Variants in CSTPP1 observed in about 807,000 individuals in gnomAD.
CSTPP1 encodes the protein UPF0705 protein C11orf49.
the CSTPP1 span, among the ~76,000 whole-genome samples, chr11:47,105,174 C>G: frequency 6.6e-6 from 1 of 152,134 alleles, no homozygotes; most frequent in African/African-American, 2.4e-5. Context: ...CCAGTTAAGT[C>G]CCTGTGCCTA....
At chr11:47,153,966 GTCTC>G in the CSTPP1 span, among the ~76,000 whole-genome samples, 4 of 151,734 alleles carry the variant, frequency 2.6e-5, no homozygotes, top group African/African-American at 7.3e-5. Flanking sequence ...TTTTGACAGG[GTCTC>G]TCTCTGTCTC....
the CSTPP1 span, among the ~76,000 whole-genome samples, chr11:47,100,741 C>T: frequency 1.3e-5 from 2 of 152,178 alleles, no homozygotes; most frequent in African/African-American, 4.8e-5. Flanking sequence ...AGTGAGCCGA[C>T]ATTGTGCCAC....
chr11:47,159,512 AAG>A, the CSTPP1 span: 6 of 414,528 alleles, frequency 1.4e-5, no homozygotes, highest in Non-Finnish European at 2.9e-5. Context: ...AGTCTCAAAA[AAG>A]AAAAAAAAAA....
chr11:47,089,144 C>A, the CSTPP1 span, among the ~76,000 whole-genome samples: 4 of 152,086 alleles, frequency 2.6e-5, no homozygotes, highest in African/African-American at 9.7e-5. Flanking sequence ...TCACACGCCT[C>A]CCCTGAGGGC....
chr11:47,092,595 C>T, the CSTPP1 span, among the ~76,000 whole-genome samples: 1 of 152,172 alleles, frequency 6.6e-6, no homozygotes, highest in South Asian at 2.1e-4. Flanking sequence ...CCTCACATCC[C>T]TCATCTCCTA....
chr11:47,128,896 C>T, the CSTPP1 span, among the ~76,000 whole-genome samples: 1 of 152,098 alleles, frequency 6.6e-6, no homozygotes. Context: ...CCTAAAACAA[C>T]ATAAAAACCT....
chr11:47,163,286 G>A, the CSTPP1 span, among the ~76,000 whole-genome samples: 1 of 151,962 alleles, frequency 6.6e-6, no homozygotes, highest in African/African-American at 2.4e-5. Flanking sequence ...AGAATCACAG[G>A]AAAGCCTACT....
chr11:47,054,696 G>C, the CSTPP1 span, among the ~76,000 whole-genome samples: 3 of 152,128 alleles, frequency 2.0e-5, no homozygotes, highest in Non-Finnish European at 2.9e-5. Flanking sequence ...GCCTAGACTA[G>C]AGACAAGGAA....
At chr11:47,148,589 C>T in the CSTPP1 span, among the ~76,000 whole-genome samples, 2 of 152,228 alleles carry the variant, frequency 1.3e-5, no homozygotes, top group Non-Finnish European at 2.9e-5. Flanking sequence ...TGCCTGAGAC[C>T]TCTGCCTGGT....
the CSTPP1 span, among the ~76,000 whole-genome samples, chr11:47,138,718 C>G: frequency 1.3e-5 from 2 of 151,836 alleles, no homozygotes; most frequent in Non-Finnish European, 2.9e-5. Context: ...TGGCTCACGC[C>G]TGTAATCCCA....
the CSTPP1 span, chr11:46,936,992 C>G: frequency 4.2e-6 from 5 of 1,191,454 alleles, no homozygotes; most frequent in South Asian, 2.0e-5. Flanking sequence ...GTTCCAGGGC[C>G]TGAGCCTGTA....
At chr11:47,077,918 T>C in the CSTPP1 span, among the ~76,000 whole-genome samples, 1 of 152,088 alleles carries the variant, frequency 6.6e-6, no homozygotes, top group Non-Finnish European at 1.5e-5. Context: ...GAGAAAGAAA[T>C]AATCATTCTA....
the CSTPP1 span, among the ~76,000 whole-genome samples, chr11:46,941,850 A>C: frequency 2.6e-5 from 4 of 152,236 alleles, no homozygotes; most frequent in African/African-American, 7.2e-5. Context: ...CTAGGCATTC[A>C]GTGAAACCCA....
At chr11:47,029,331 G>C in the CSTPP1 span, among the ~76,000 whole-genome samples, 2 of 152,108 alleles carry the variant, frequency 1.3e-5, no homozygotes, top group Non-Finnish European at 2.9e-5. Context: ...TTTTGGCCAG[G>C]CATGGTGGCT....
At chr11:47,090,305 G>T in the CSTPP1 span, among the ~76,000 whole-genome samples, 6 of 152,090 alleles carry the variant, frequency 3.9e-5, no homozygotes, top group African/African-American at 9.7e-5. Flanking sequence ...TTCTTTAAGG[G>T]TATCTACTAT....
chr11:47,038,291 A>C, the CSTPP1 span, among the ~76,000 whole-genome samples: 2 of 92,060 alleles, frequency 2.2e-5, no homozygotes, highest in African/African-American at 6.7e-5. Flanking sequence ...TGACCCCCCC[A>C]CCTCCCTCCC....
chr11:47,075,771 A>C, the CSTPP1 span, among the ~76,000 whole-genome samples: 1 of 151,964 alleles, frequency 6.6e-6, no homozygotes, highest in East Asian at 1.9e-4. Context: ...TACAAAAATT[A>C]GCTCAGCATG....
chr11:47,072,012 C>T, the CSTPP1 span, among the ~76,000 whole-genome samples: 5,998 of 152,266 alleles, frequency 0.039, 362 homozygotes, highest in African/African-American at 0.14. Context: ...CTCCACTAAG[C>T]CCATTTGCAG....
the CSTPP1 span, among the ~76,000 whole-genome samples, chr11:47,073,760 A>G: frequency 6.6e-6 from 1 of 152,180 alleles, no homozygotes; most frequent in Admixed American, 6.5e-5. Context: ...AGTTTATTTC[A>G]TAAGATATCT....
Sources: allele counts gnomAD v4.1 joint callset (sites outside exome capture counted in the v4.1 genomes callset), GRCh38; gene constraint gnomAD v4.1.1; transcripts MANE v1.5; gene names NCBI Gene and HGNC (gene_info 2026-07-23, HGNC 2026-07-21).